Variants in PANK1 observed in about 807,000 individuals in gnomAD.
PANK1 encodes the protein pantothenic acid kinase 1.
PANK1 carries 18 observed loss-of-function variants against 40.1 expected under a neutral mutation model. The ratio of observed to expected loss-of-function variants is 0.45; its 90% CI spans 0.31 to 0.67. The LOEUF is 0.67. Ranked by LOEUF, PANK1 falls within the 30% of genes least tolerant of loss-of-function variation. PANK1 has a pLI of 0.06. For synonymous variants in PANK1, 242 were observed against 237.7 expected (o/e 1.02, Z -0.17); for missense variants, 457 against 599.6 (o/e 0.76, Z 2.48).
chr10:89,585,936 C>T (rs1391176503), intron 6 of PANK1, among the ~76,000 whole-genome samples: 1 of 152,196 alleles, frequency 6.6e-6, no homozygotes, highest in Non-Finnish European at 1.5e-5. Flanking sequence ...TACAAGAATA[C>T]TCCATTTTCA....
chr10:89,604,937 G>A (rs1373308919), intron 2 of PANK1, among the ~76,000 whole-genome samples: 1 of 151,564 alleles, frequency 6.6e-6, no homozygotes, highest in Non-Finnish European at 1.5e-5. Flanking sequence ...TTTTTTAGTA[G>A]AGACGGGGTT....
At chr10:89,585,819 C>T (rs1844181102) in intron 6 of PANK1, among the ~76,000 whole-genome samples, 2 of 152,186 alleles carry the variant, frequency 1.3e-5, no homozygotes, top group Admixed American at 6.5e-5. Context: ...CCACCATACC[C>T]GTGCTTCTCA....
intron 1 of PANK1, 129 bp from the exon 2 acceptor site, chr10:89,612,177 A>G: frequency 1.2e-6 from 1 of 807,210 alleles, no homozygotes; most frequent in Admixed American, 2.9e-5. Context: ...ATTTATTTGA[A>G]TTCAACTATA....
At chr10:89,635,142 AT>A (rs1278999087) in intron 1 of PANK1, among the ~76,000 whole-genome samples, 41 of 145,170 alleles carry the variant, frequency 2.8e-4, no homozygotes, top group African/African-American at 6.5e-4. Flanking sequence ...ATATATATAT[AT>A]AGAGAGAGAG....
At chr10:89,595,826 AAAAAAAAATATATATATATATAT>A (rs1434866191) in intron 3 of PANK1, among the ~76,000 whole-genome samples, 2,043 of 77,000 alleles carry the variant, frequency 0.027, 150 homozygotes, top group African/African-American at 0.1. Flanking sequence ...TAAAAAAAAA[AAAAAAAAATATATATATATATAT>A]ATATATATAT....
intron 4 of PANK1, among the ~76,000 whole-genome samples, chr10:89,593,526 T>TC (rs780662648): frequency 6.8e-6 from 1 of 146,852 alleles, no homozygotes; most frequent in Admixed American, 6.8e-5. Context: ...TGTCCATTAA[T>TC]GGGGGGGGAA....
At chr10:89,588,029 T>C (rs1844256983) in intron 6 of PANK1, among the ~76,000 whole-genome samples, 1 of 152,342 alleles carries the variant, frequency 6.6e-6, no homozygotes, top group East Asian at 1.9e-4. Flanking sequence ...TCTGCTTCTA[T>C]GAGTTTGATT....
intron 6 of PANK1, among the ~76,000 whole-genome samples, chr10:89,585,360 T>C (rs754712024): frequency 2.0e-5 from 3 of 152,208 alleles, no homozygotes; most frequent in Non-Finnish European, 4.4e-5. Context: ...TTGAAGTTGG[T>C]CACGGCACAA....
In PANK1 at chr10:89,583,130, G is replaced by A. The variant is rs1170361045; in HGVS notation, c.*1276C>T. ...AGATTCATCATGGAGTAATTGTTCT[G>A]TCCTTCAAAAATCCCTTTCAACAAT... On this transcript the variant is annotated 3_prime_UTR_variant, in exon 7 of 7. Transcript: ENST00000307534. The A allele has an allele frequency of 2.0e-5, 3 of 152,108 alleles. No individual in the cohort carries two copies. The highest frequency in any genetic ancestry group is 4.4e-5 in the Non-Finnish European group (3 of 67,994). The allele number at this position is 152,108 out of a possible 1,614,324, so 9.4% of individuals were successfully genotyped here.
At position 89,584,077 on chromosome 10, in the gene PANK1, G is replaced by A. The variant is rs1844118436; in HGVS notation, c.*329C>T. 4.5e-6 allele frequency: 1 copy of A among 220,176 alleles called. No homozygotes were observed. Among genetic ancestry groups the A allele is most frequent in the African/African-American group, 2.3e-5 (1 of 44,036 alleles). 13.6% of individuals were successfully genotyped at this position (220,176 alleles called of 1,614,324 possible). A position where few individuals can be genotyped will look rare whatever the true frequency, so the allele number is the denominator to read the frequency against. On this transcript the variant is annotated 3_prime_UTR_variant, in exon 7 of 7. Transcript: ENST00000307534. ...GATCAGTAAACCCCAGAAGAAAAAT[G>A]ACCAGCGCTTACATATCAGGTCCTT...
At chr10:89,589,506 T>G (rs1844307190) in intron 5 of PANK1, among the ~76,000 whole-genome samples, 1 of 152,128 alleles carries the variant, frequency 6.6e-6, no homozygotes, top group Non-Finnish European at 1.5e-5. Flanking sequence ...AAGCTCAAAC[T>G]GGAGCTCAAC....
chr10:89,637,506 G>C (rs1005729339), intron 1 of PANK1, among the ~76,000 whole-genome samples: 3 of 152,148 alleles, frequency 2.0e-5, no homozygotes, highest in African/African-American at 7.2e-5. Flanking sequence ...TGTAACAATG[G>C]TTAGTATTTG....
Position 89,588,659 on chromosome 10 carries a change from TC to T in PANK1, c.1318del (p.Glu440AsnfsTer18). On this transcript the variant is annotated frameshift_variant, in exon 6 of 7. Coordinates refer to ENST00000307534, the MANE Select transcript of PANK1 (RefSeq NM_148977.3). LOFTEE classifies it high-confidence loss of function. ...TATGCAAGCTCAACCTACCTCATGT[TC>T]CAAAAACAGAGCTTTCAGTTGTCCT... ...SKGQLKALFL[E>X]HEGYFGAVGA... The T allele has an allele frequency of 1.2e-6, 2 of 1,601,620 alleles. No individual in the cohort carries two copies. The highest frequency in any genetic ancestry group is 1.7e-6 in the Non-Finnish European group (2 of 1,175,416).
chr10:89,625,008 C>T (rs537695202), intron 1 of PANK1, among the ~76,000 whole-genome samples: 1 of 152,324 alleles, frequency 6.6e-6, no homozygotes, highest in South Asian at 2.1e-4. Context: ...AAGTGATCCT[C>T]CCACCTCAGT....
At chr10:89,606,391 TTAAC>T (rs1348774064) in intron 2 of PANK1, among the ~76,000 whole-genome samples, 4 of 152,240 alleles carry the variant, frequency 2.6e-5, no homozygotes, top group African/African-American at 7.2e-5. Flanking sequence ...ATTAGTGACT[TTAAC>T]TATATTTCCT....
intron 2 of PANK1, among the ~76,000 whole-genome samples, chr10:89,610,727 C>T (rs1392551782): frequency 6.6e-6 from 1 of 152,186 alleles, no homozygotes; most frequent in African/African-American, 2.4e-5. Flanking sequence ...GTACTACAGG[C>T]TTTGAGAATA....
intron 1 of PANK1, among the ~76,000 whole-genome samples, chr10:89,629,023 C>T (rs1366571089): frequency 1.3e-5 from 2 of 152,168 alleles, no homozygotes; most frequent in Non-Finnish European, 2.9e-5. Flanking sequence ...CTATCCAGAA[C>T]CTGCTGTGTC....
chr10:89,604,042 C>T (rs75063923), intron 2 of PANK1, among the ~76,000 whole-genome samples: 200 of 152,212 alleles, frequency 1.3e-3, no homozygotes, highest in Middle Eastern at 3.4e-3. Context: ...CTTTTTAAGA[C>T]TGGTCCCTTG....
rs763127392 is a variant in PANK1 at position 89,644,772 on chromosome 10, G to C, written c.120C>G (p.Val40=). The C allele has an allele frequency of 2.0e-6, 3 of 1,501,448 alleles. No individual in the cohort carries two copies. In the South Asian group the frequency reaches 3.8e-5, roughly 19 times the overall value. 93.0% of individuals were successfully genotyped at this position (1,501,448 alleles called of 1,614,324 possible). A position where few individuals can be genotyped will look rare whatever the true frequency, so the allele number is the denominator to read the frequency against. The part of the protein sequence containing the change: ...LLHNGFHPPP[V]QPPHVCSRGP... ...CCCGGCTGCAGACGTGCGGCGGCTG[G>C]ACTGGCGGCGGATGGAAGCCGTTGT... Residue 40 remains valine (V), a synonymous_variant, in exon 1 of 7, where the codon GTC becomes GTG. Transcript: ENST00000307534.
Sources: gnomAD v4.1 joint callset for allele counts (sites outside exome capture counted in the v4.1 genomes callset) on GRCh38, gnomAD v4.1.1 for gene constraint, MANE v1.5 for transcripts, NCBI Gene and HGNC (gene_info 2026-07-23, HGNC 2026-07-21) for gene names.